GRAMD1A: variants seen among roughly 807,000 people sequenced by gnomAD.
GRAMD1A encodes the protein protein Aster-A.
Under a neutral mutation model 92.0 loss-of-function variants are expected in GRAMD1A, and 50 were observed. The observed-to-expected ratio is 0.54, with a 90% confidence interval of 0.43 to 0.69. GRAMD1A has a LOEUF of 0.69. Ranked by LOEUF, GRAMD1A falls within the 30% of genes least tolerant of loss-of-function variation. The pLI is 0.00. For synonymous variants in GRAMD1A, 405 were observed against 403.6 expected (o/e 1.00, Z -0.04); for missense variants, 819 against 978.9 (o/e 0.84, Z 2.18).
intron 6 of GRAMD1A, 164 bp downstream of exon 6, chr19:35,010,543 G>A (rs886322397): frequency 8.2e-6 from 5 of 612,162 alleles, no homozygotes; most frequent in Non-Finnish European, 1.2e-5. Context: ...CCTGATCCCC[G>A]CACCAGCCTC....
At position 35,012,075 on chromosome 19, in the gene GRAMD1A, C is replaced by A. The variant is rs139065203; in HGVS notation, c.606+521C>A. Among the ~76,000 whole-genome samples, 308 of 152,364 alleles carry A rather than the reference C, an allele frequency of 2.0e-3. 1 individual carries two copies. The highest frequency in any genetic ancestry group is 0.013 in the South Asian group (63 of 4,830). ...GGGATTCCAGCCCCATCCCCTGGGG[C>A]AAGTGATTGAACCCCATCTGTCAAA... On this transcript the variant is annotated intron_variant, in intron 7 of 19. Coordinates refer to ENST00000317991, the MANE Select transcript of GRAMD1A (RefSeq NM_020895.5).
At position 35,009,961 on chromosome 19, in the gene GRAMD1A, G is replaced by A. The variant is rs750956865; in HGVS notation, c.314G>A (p.Arg105His). ...TTCAGCAAACTCCCCGAAGCAGAAC[G>A]CCTCATTGTGGGTGAGTCCCGGACC... ...KLFSKLPEAE[R>H]LIVDYSCALQ... The change falls in exon 4 of 20, where the codon CGC (arginine) becomes CAC (histidine). Residue 105 changes from arginine to histidine, a missense_variant. Around this residue, in one of 3 missense-constraint regions of GRAMD1A, gnomAD observed 144 missense variants for 220.3 expected, o/e 0.65. Transcript: ENST00000317991. 1.2e-6 allele frequency: 2 copies of A among 1,608,870 alleles called. No homozygotes were observed. Among genetic ancestry groups the A allele is most frequent in the Admixed American group, 1.7e-5 (1 of 60,022 alleles).
At position 35,019,376 on chromosome 19, in the gene GRAMD1A, GCT is replaced by G; in HGVS notation, c.1333-12_1333-11del. The G allele has an allele frequency of 6.2e-7, 1 of 1,613,616 alleles. No individual in the cohort carries two copies. Among genetic ancestry groups the G allele is most frequent in the East Asian group, 2.2e-5 (1 of 44,870 alleles). Reference sequence around the variant, plus strand: ...GAGTGGGGTGGCCCTGACTTCTCCGGCTCTGTCCCTGCAGACGCTGTTCCGGC... The same window carrying G: ...GAGTGGGGTGGCCCTGACTTCTCCGGCTGTCCCTGCAGACGCTGTTCCGGC... On this transcript the variant is annotated splice_polypyrimidine_tract_variant and intron_variant, in intron 12 of 19. Transcript: ENST00000317991.
Position 35,023,024 on chromosome 19 carries a change from C to T in GRAMD1A, c.1853+113C>T, listed in dbSNP as rs1198521111. The stretch of plus-strand genomic sequence containing the variant: ...CCCCCAGGGAGGTGGCCTGGCATGG[C>T]AGTCAAGGGTATGGGCATCAGACAG... On this transcript the variant is annotated intron_variant, in intron 17 of 19. Transcript: ENST00000317991. The T allele has an allele frequency of 2.0e-5, 17 of 865,120 alleles. No homozygotes were observed. The East Asian group carries it at 4.7e-4, about 24-fold the overall frequency. 53.6% of individuals were successfully genotyped at this position (865,120 alleles called of 1,614,324 possible). A position where few individuals can be genotyped will look rare whatever the true frequency, so the allele number is the denominator to read the frequency against.
intron 7 of GRAMD1A, among the ~76,000 whole-genome samples, chr19:35,011,761 A>G (rs564058954): frequency 1.3e-5 from 2 of 152,322 alleles, no homozygotes; most frequent in East Asian, 3.9e-4. Flanking sequence ...AACCGTCGTA[A>G]TTCTTCCCTG....
chr19:35,016,911 A>AC (rs1206193630), intron 11 of GRAMD1A, among the ~76,000 whole-genome samples: 1 of 150,958 alleles, frequency 6.6e-6, no homozygotes, highest in Non-Finnish European at 1.5e-5. Flanking sequence ...TCTCAAAAAA[A>AC]AAAAAAAAAA....
At chr19:35,010,475 T>C in intron 6 of GRAMD1A, 96 bp downstream of exon 6, 2 of 818,558 alleles carry the variant, frequency 2.4e-6, no homozygotes, top group Admixed American at 1.9e-5. Context: ...CACCCTGAGT[T>C]CTCTCCGAGC....
At chr19:35,023,095 T>G in intron 17 of GRAMD1A, 141 bp from the exon 18 acceptor site, 1 of 805,420 alleles carries the variant, frequency 1.2e-6, no homozygotes, top group Non-Finnish European at 2.2e-6. Context: ...TGTGCAACCC[T>G]AGGCATGTCT....
At chr19:34,997,029 C>G (rs67003112), upstream of GRAMD1A, among the ~76,000 whole-genome samples, 39,081 of 151,920 alleles carry the variant, frequency 0.26, 5,904 homozygotes, top group Middle Eastern at 0.41. Flanking sequence ...ATTGCTCCCC[C>G]CTCCACCCAG....
chr19:34,996,803 CAAA>C (rs944025116), upstream of GRAMD1A, among the ~76,000 whole-genome samples: 4 of 60,452 alleles, frequency 6.6e-5, no homozygotes, highest in African/African-American at 5.3e-5. Context: ...GACTCTGTCT[CAAA>C]AAAAAAAAAA....
At chr19:35,006,766 A>C (rs1376028229) in intron 1 of GRAMD1A, among the ~76,000 whole-genome samples, 1 of 152,236 alleles carries the variant, frequency 6.6e-6, no homozygotes, top group Non-Finnish European at 1.5e-5. Context: ...GGTGGTAACC[A>C]AGACCTGAAG....
At chr19:34,995,156 C>T (rs1019803125) in intron 1 of GRAMD1A, among the ~76,000 whole-genome samples, 2 of 152,246 alleles carry the variant, frequency 1.3e-5, no homozygotes, top group Non-Finnish European at 2.9e-5. Context: ...AATCCCGATT[C>T]GGCCTCTCTG....
At chr19:34,998,988 T>G (rs1301974810), upstream of GRAMD1A, among the ~76,000 whole-genome samples, 4 of 152,016 alleles carry the variant, frequency 2.6e-5, no homozygotes, top group Non-Finnish European at 5.9e-5. Context: ...GTGAGGACTT[T>G]GCTTTTACCT....
rs147225158 is a variant in GRAMD1A at position 35,009,450 on chromosome 19, GTC to G, written c.240+9_240+10del. On this transcript the variant is annotated splice_region_variant and intron_variant, in intron 3 of 19. Transcript: ENST00000317991. ...GATGCAGAGCTGGTACAGTGTAAGTGTCTGGGCAAGGGGCTTGCTGGAGGGCT... is the reference window on the plus strand; with the variant it reads ...GATGCAGAGCTGGTACAGTGTAAGTGTGGGCAAGGGGCTTGCTGGAGGGCT... 2.4e-3 allele frequency: 3,903 copies of G among 1,613,988 alleles called. 85 individuals carry two copies. The African/African-American group carries it at 0.043, about 18-fold the overall frequency.
chr19:35,022,103 G>A, intron 16 of GRAMD1A, 65 bp downstream of exon 16: 2 of 1,223,990 alleles, frequency 1.6e-6, no homozygotes, highest in Non-Finnish European at 2.4e-6. Context: ...TGTGACCTTG[G>A]GCAAGTGTGT....
chr19:35,025,981 G>T, intron 19 of GRAMD1A, 68 bp from the exon 20 acceptor site: 1 of 819,792 alleles, frequency 1.2e-6, no homozygotes, highest in Non-Finnish European at 2.2e-6. Flanking sequence ...ATGGCAAGGT[G>T]GGGGTGGGCG....
Position 35,010,440 on chromosome 19 carries a change from A to G in GRAMD1A, c.525+61A>G, listed in dbSNP as rs1244167283. 9 of 1,071,100 alleles carry G rather than the reference A, an allele frequency of 8.4e-6. No homozygotes were observed. The Admixed American group carries it at 1.0e-4, about 12-fold the overall frequency. 66.3% of individuals were successfully genotyped at this position (1,071,100 alleles called of 1,614,324 possible). A position where few individuals can be genotyped will look rare whatever the true frequency, so the allele number is the denominator to read the frequency against. ...CCCGCTCAGCAGGCCGCCTCCCCCA[A>G]ACATGCAAAGCCCCATTTGTTCTGC... On this transcript the variant is annotated intron_variant, in intron 6 of 19. Transcript: ENST00000317991.
rs2014257016 is a variant in GRAMD1A at position 35,000,412 on chromosome 19, C to T, written c.-67C>T. 1 of 885,622 alleles carries T rather than the reference C, an allele frequency of 1.1e-6. No individual in the cohort carries two copies. 54.9% of individuals were successfully genotyped at this position (885,622 alleles called of 1,614,324 possible). On this transcript the variant is annotated 5_prime_UTR_variant, in exon 1 of 20. Transcript: ENST00000317991. This position sits in a 1 kb window ranked among gnomAD's most constrained non-coding sequence, Gnocchi z 4.9. ...GGGGACGCCCAGCGCAGCCCAGCCCCGCGCAGCCCAGCCCTGCCCTGCCCT... is the reference window on the plus strand; with the variant it reads ...GGGGACGCCCAGCGCAGCCCAGCCCTGCGCAGCCCAGCCCTGCCCTGCCCT...
chr19:35,021,843 C>G lies in GRAMD1A; in HGVS notation c.1732C>G (p.Arg578Gly), dbSNP rs753446139. Residue 578 changes from arginine to glycine, a missense_variant, in exon 15 of 20, where the codon CGG becomes GGG. Coordinates refer to ENST00000317991, the MANE Select transcript of GRAMD1A (RefSeq NM_020895.5). The surrounding 1 kb of genome is among the most constrained non-coding windows in gnomAD (Gnocchi z 5.3). Reference sequence around the variant, plus strand: ...GCACCCAGATCCTGACCCCTGTGCCCGGGCCGGCATTCACACCTCGGGTAC... The same window carrying G: ...GCACCCAGATCCTGACCCCTGTGCCGGGGCCGGCATTCACACCTCGGGTAC... Reference protein sequence around the residue: ...PQHPDPDPCARAGIHTSGSLS... With the variant: ...PQHPDPDPCAGAGIHTSGSLS... The G allele has an allele frequency of 6.2e-7, 1 of 1,603,172 alleles. No homozygotes were observed. The highest frequency in any genetic ancestry group is 1.7e-5 in the Admixed American group (1 of 59,056).
Sources: allele counts gnomAD v4.1 joint callset (sites outside exome capture counted in the v4.1 genomes callset), GRCh38; gene constraint gnomAD v4.1.1; regional missense constraint gnomAD v4.1.1; non-coding constraint Gnocchi (gnomAD v3.1); transcripts MANE v1.5; gene names NCBI Gene and HGNC (gene_info 2026-07-23, HGNC 2026-07-21).